The following ITGA2 variants were observed in gnomAD, a reference collection of about 807,000 sequenced individuals.
ITGA2 encodes integrin subunit alpha 2.
In ITGA2, 101 loss-of-function variants were observed where a neutral mutation model predicts 146.3. That is an observed-to-expected ratio of 0.69 (90% confidence interval 0.59 to 0.81). ITGA2 has a LOEUF of 0.81. Ranked by LOEUF, ITGA2 falls within the 40% of genes least tolerant of loss-of-function variation. The pLI, the probability that ITGA2 is intolerant of heterozygous loss-of-function variation, is 0.00. For synonymous variants in ITGA2, 477 were observed against 487.1 expected (o/e 0.98, Z 0.27); for missense variants, 1,281 against 1,402.7 (o/e 0.91, Z 1.39).
At chr5:53,007,501 C>T (rs534676849) in intron 1 of ITGA2, among the ~76,000 whole-genome samples, 12 of 149,446 alleles carry the variant, frequency 8.0e-5, no homozygotes, top group Non-Finnish European at 1.6e-4. Context: ...GAGAGAGAAA[C>T]GGGGAGAGAG....
chr5:53,041,060 A>G (rs1228225944), intron 2 of ITGA2, among the ~76,000 whole-genome samples: 1 of 152,154 alleles, frequency 6.6e-6, no homozygotes, highest in Non-Finnish European at 1.5e-5. Flanking sequence ...TAAAATATAT[A>G]TACAGAAGGC....
chr5:53,067,357 G>C (rs918622051), intron 16 of ITGA2, 100 bp downstream of exon 16: 2 of 1,323,618 alleles, frequency 1.5e-6, no homozygotes, highest in Non-Finnish European at 2.1e-6. Flanking sequence ...AGAAATAAGG[G>C]TTTTAGTTAT....
intron 23 of ITGA2, among the ~76,000 whole-genome samples, chr5:53,078,401 AC>A (rs1330071279): frequency 7.2e-5 from 11 of 152,148 alleles, no homozygotes; most frequent in Non-Finnish European, 2.9e-5. Flanking sequence ...CATTCAACTA[AC>A]AAGTACTGAT....
At position 53,066,078 on chromosome 5, in the gene ITGA2, A is replaced by C; in HGVS notation, c.1943+101A>C. On this transcript the variant is annotated intron_variant, in intron 15 of 29. Transcript: ENST00000296585. ...ATTATAGAAATGCCACATGCATTCT[A>C]TAAGACTATAGGGAATCGATGTATC... 3 of 1,105,052 alleles carry C rather than the reference A, an allele frequency of 2.7e-6. No homozygotes were observed. The Middle Eastern group carries it at 6.1e-4, about 226-fold the overall frequency. The allele number at this position is 1,105,052 out of a possible 1,614,324, so 68.5% of individuals were successfully genotyped here.
chr5:53,019,710 G>A (rs1340642948), intron 1 of ITGA2, among the ~76,000 whole-genome samples: 3 of 151,992 alleles, frequency 2.0e-5, no homozygotes, highest in African/African-American at 4.8e-5. Context: ...ATTTTTAGTA[G>A]AGATGTGGTT....
chr5:53,062,994 G>A, intron 13 of ITGA2, 65 bp downstream of exon 13: 1 of 1,331,764 alleles, frequency 7.5e-7, no homozygotes, highest in South Asian at 1.3e-5. Flanking sequence ...ACTTGCATTT[G>A]GAAAGAAAAA....
intron 29 of ITGA2, 55 bp downstream of exon 29, chr5:53,090,117 T>C: frequency 2.8e-6 from 3 of 1,062,416 alleles, no homozygotes; most frequent in South Asian, 1.3e-5. Context: ...AGCCTTGAAT[T>C]TGCTTACAAA....
At chr5:53,023,229 T>C (rs1742773987) in intron 1 of ITGA2, among the ~76,000 whole-genome samples, 1 of 152,212 alleles carries the variant, frequency 6.6e-6, no homozygotes. Context: ...TATAGATTAA[T>C]GAAGCAACCT....
intron 6 of ITGA2, among the ~76,000 whole-genome samples, chr5:53,051,167 C>G (rs568421206): frequency 6.6e-6 from 1 of 152,228 alleles, no homozygotes; most frequent in Middle Eastern, 3.4e-3. Context: ...TCTTGGGAAT[C>G]AAATCATACA....
chr5:52,996,189 G>C (rs1741239748), intron 1 of ITGA2, among the ~76,000 whole-genome samples: 1 of 152,152 alleles, frequency 6.6e-6, no homozygotes, highest in African/African-American at 2.4e-5. Flanking sequence ...GCAAACATGG[G>C]AAAGGCTTGC....
chr5:53,087,385 C>T (rs187023462), intron 28 of ITGA2, among the ~76,000 whole-genome samples: 1 of 152,306 alleles, frequency 6.6e-6, no homozygotes, highest in Admixed American at 6.5e-5. Flanking sequence ...TTCTTCCTTT[C>T]TCCTCCTGCT....
chr5:53,029,728 T>A (rs929771560), intron 2 of ITGA2, among the ~76,000 whole-genome samples: 2 of 152,230 alleles, frequency 1.3e-5, no homozygotes, highest in African/African-American at 4.8e-5. Flanking sequence ...ACTGTTTTGT[T>A]GACTGCTGCA....
rs556814999 is a variant in ITGA2 at position 53,024,295 on chromosome 5, A to G, written c.65-2453A>G. ...TAAGATGCGAGTTGGAATAAACATTATAATTTAAATAGAGGAAAAATACTG... is the reference window on the plus strand; with the variant it reads ...TAAGATGCGAGTTGGAATAAACATTGTAATTTAAATAGAGGAAAAATACTG... On this transcript the variant is annotated intron_variant, in intron 1 of 29. Transcript: ENST00000296585. Among the ~76,000 whole-genome samples the G allele has an allele frequency of 5.3e-5, 8 of 152,348 alleles. No individual in the cohort carries two copies. In the South Asian group the frequency reaches 1.2e-3, roughly 24 times the overall value.
intron 1 of ITGA2, among the ~76,000 whole-genome samples, chr5:52,995,194 C>T (rs1021636343): frequency 2.6e-5 from 4 of 152,096 alleles, no homozygotes; most frequent in Admixed American, 2.0e-4. Context: ...CCTTGAAGGG[C>T]CTTGTAAGTC....
chr5:53,078,912 A>C, intron 24 of ITGA2, 38 bp downstream of exon 24: 1 of 1,132,994 alleles, frequency 8.8e-7, no homozygotes, highest in Non-Finnish European at 1.3e-6. Context: ...AATCCAGGAG[A>C]AAGTGAGAAG....
At chr5:53,051,320 T>G (rs1466958945) in intron 6 of ITGA2, 91 bp from the exon 7 acceptor site, 1 of 1,377,918 alleles carries the variant, frequency 7.3e-7, no homozygotes, top group Non-Finnish European at 1.0e-6. Context: ...GGCCCATGTC[T>G]AAATGTACTT....
chr5:53,086,029 C>T (rs776385191), intron 27 of ITGA2, among the ~76,000 whole-genome samples: 5 of 152,050 alleles, frequency 3.3e-5, no homozygotes, highest in African/African-American at 7.2e-5. Context: ...CTGCCTCAGC[C>T]GAGTCGCTGG....
At chr5:53,029,205 G>C (rs1743104569) in intron 2 of ITGA2, among the ~76,000 whole-genome samples, 1 of 152,168 alleles carries the variant, frequency 6.6e-6, no homozygotes, top group Admixed American at 6.5e-5. Context: ...CTGGGAGGCA[G>C]AGGTTGCAGT....
chr5:52,995,559 G>C, intron 1 of ITGA2, among the ~76,000 whole-genome samples: 1 of 152,174 alleles, frequency 6.6e-6, no homozygotes, highest in Non-Finnish European at 1.5e-5. Context: ...CAAGTCAGTT[G>C]ATTTTGTGCC....
Sources: gnomAD v4.1 joint callset for allele counts (sites outside exome capture counted in the v4.1 genomes callset) on GRCh38, gnomAD v4.1.1 for gene constraint, MANE v1.5 for transcripts, NCBI Gene and HGNC (gene_info 2026-07-23, HGNC 2026-07-21) for gene names.